The following PHLDB3 variants were observed in gnomAD, a reference collection of about 807,000 sequenced individuals.
The protein encoded by PHLDB3 is pleckstrin homology like domain family B member 3, also known as pleckstrin homology-like domain family B member 3.
Under a neutral mutation model 85.7 loss-of-function variants are expected in PHLDB3, and 86 were observed. The observed-to-expected ratio is 1.00, with a 90% confidence interval of 0.84 to 1.20. The LOEUF (loss-of-function observed/expected upper bound fraction) is 1.20, where lower values mean the gene tolerates loss of function less well. PHLDB3 is among the 50% of genes most tolerant of loss of function. PHLDB3 has a pLI of 0.00. For missense variants in PHLDB3, 995 were observed against 873.0 expected, an observed-to-expected ratio of 1.14 and a Z score of -1.76; for synonymous variants, 376 against 349.8, an observed-to-expected ratio of 1.07 and a Z score of -0.83.
intron 13 of PHLDB3, 94 bp from the exon 14 acceptor site, chr19:43,479,687 G>A (rs1385035357): frequency 2.4e-6 from 2 of 818,936 alleles, no homozygotes; most frequent in Non-Finnish European, 4.0e-6. Context: ...CAGCTTGCAT[G>A]TAAGGCCCGC....
chr19:43,485,220 T>G (rs997826011), intron 13 of PHLDB3, among the ~76,000 whole-genome samples: 4 of 137,558 alleles, frequency 2.9e-5, no homozygotes, highest in African/African-American at 3.1e-5. Flanking sequence ...AGGTTTTTTG[T>G]TTTTTTTTTT....
intron 9 of PHLDB3, among the ~76,000 whole-genome samples, chr19:43,493,311 T>TAAATAAATAAATAAATA (rs1341159257): frequency 6.7e-6 from 1 of 149,032 alleles, no homozygotes; most frequent in East Asian, 2.0e-4. Context: ...AATAAATAAA[T>TAAATAAATAAATAAATA]AAATAAAATA....
At chr19:43,488,372 G>A (rs182769389) in intron 9 of PHLDB3, among the ~76,000 whole-genome samples, 39 of 152,122 alleles carry the variant, frequency 2.6e-4, no homozygotes, top group Admixed American at 1.6e-3. Context: ...TGGAAGGATC[G>A]CTTGAACCCC....
Position 43,499,979 on chromosome 19 carries a change from C to T in PHLDB3, c.534+1755G>A, listed in dbSNP as rs185063201. 9.7e-3 allele frequency among the ~76,000 whole-genome samples: 1,472 copies of T among 152,128 alleles called. 16 individuals carry two copies. The highest frequency in any genetic ancestry group is 0.017 in the Middle Eastern group (5 of 294). The stretch of plus-strand genomic sequence containing the variant: ...TGGCCTCGAACTGCGGTGGCTCATA[C>T]CTGTAATCCCAGCACTTTGGGAGGC... On this transcript the variant is annotated intron_variant, in intron 4 of 15. Transcript: ENST00000292140.
rs764189221 is a variant in PHLDB3, at chr19:43,486,692, C to T, written c.1345G>A (p.Gly449Arg). 5.0e-6 allele frequency: 8 copies of T among 1,613,972 alleles called. No individual in the cohort carries two copies. The highest frequency in any genetic ancestry group is 6.8e-6 in the Non-Finnish European group (8 of 1,179,858). The change falls in exon 12 of 16, where the codon GGG becomes AGG. Residue 449 changes from glycine to arginine, a missense_variant. Physicochemically the swap from Gly to Arg is moderately radical, Grantham distance 125. Coordinates refer to ENST00000292140, the MANE Select transcript of PHLDB3 (RefSeq NM_198850.4). ...LLNCGRGNSCGAIHPDIAHME... is the reference protein window; with the variant it reads ...LLNCGRGNSCRAIHPDIAHME... ...TGGGCAATGTCTGGATGGATGGCCC[C>T]ACAGCTAGGAGGAGGGAACACAGAC...
chr19:43,486,151 G>T, intron 13 of PHLDB3, 115 bp downstream of exon 13: 1 of 1,410,926 alleles, frequency 7.1e-7, no homozygotes, highest in Non-Finnish European at 9.2e-7. Flanking sequence ...GCCAAGCCCA[G>T]GACAATTTTC....
At position 43,501,868 on chromosome 19, in the gene PHLDB3, C is replaced by G; in HGVS notation, c.400G>C (p.Glu134Gln). The change falls in exon 4 of 16, where the codon GAG (glutamate) becomes CAG (glutamine). Residue 134 changes from glutamate (E) to glutamine (Q), a missense_variant. Glu to Gln is a conservative substitution (Grantham distance 29). Coordinates refer to ENST00000292140, the MANE Select transcript of PHLDB3 (RefSeq NM_198850.4). Reference protein sequence around the residue: ...RQRKELRIEMEVEVALLRGEL... With the variant: ...RQRKELRIEMQVEVALLRGEL... ...CCCCGCAGCAAGGCCACCTCCACCT[C>G]CATCTGCGGAGAGAATGCCAGGGCT... 6.3e-7 allele frequency: 1 copy of G among 1,591,584 alleles called. No individual in the cohort carries two copies. Among genetic ancestry groups the G allele is most frequent in the African/African-American group, 1.3e-5 (1 of 74,524 alleles).
In PHLDB3 at chr19:43,501,868, C is replaced by T; in HGVS notation, c.400G>A (p.Glu134Lys). 1.3e-6 allele frequency: 2 copies of T among 1,591,584 alleles called. No homozygotes were observed. Among genetic ancestry groups the T allele is most frequent in the Non-Finnish European group, 1.7e-6 (2 of 1,169,440 alleles). ...CCCCGCAGCAAGGCCACCTCCACCT[C>T]CATCTGCGGAGAGAATGCCAGGGCT... ...RQRKELRIEM[E>K]VEVALLRGEL... Residue 134 changes from glutamate to lysine, a missense_variant, in exon 4 of 16, where the codon GAG becomes AAG. Physicochemically the swap from Glu to Lys is moderately conservative, Grantham distance 56. Transcript: ENST00000292140.
chr19:43,488,238 T>G (rs961922635), intron 9 of PHLDB3, among the ~76,000 whole-genome samples: 2 of 151,974 alleles, frequency 1.3e-5, no homozygotes, highest in Non-Finnish European at 2.9e-5. Context: ...GGCAAATTGC[T>G]TGAGCCCAGG....
chr19:43,486,928 C>T (rs1006870302), intron 10 of PHLDB3, 58 bp from the exon 11 acceptor site: 2 of 1,483,062 alleles, frequency 1.3e-6, no homozygotes, highest in Non-Finnish European at 1.8e-6. Context: ...AGCCTATCCA[C>T]TTCTCCCCTG....
In PHLDB3 at chr19:43,497,282, A is replaced by G. The variant is rs756528049; in HGVS notation, c.664-3T>C. 1 of 1,434,848 alleles carries G rather than the reference A, an allele frequency of 7.0e-7. No homozygotes were observed. Among genetic ancestry groups the G allele is most frequent in the Admixed American group, 2.7e-5 (1 of 36,948 alleles). The allele number at this position is 1,434,848 out of a possible 1,614,324, so 88.9% of individuals were successfully genotyped here. A position where few individuals can be genotyped will look rare whatever the true frequency, so the allele number is the denominator to read the frequency against. ...GCCACATCCAGTTGTTCCCTCATCTATAGGTCGGAACACAAAAAGGGTGGA... is the reference window on the plus strand; with the variant it reads ...GCCACATCCAGTTGTTCCCTCATCTGTAGGTCGGAACACAAAAAGGGTGGA... On this transcript the variant is annotated splice_region_variant and splice_polypyrimidine_tract_variant and intron_variant, in intron 5 of 15. Coordinates refer to ENST00000292140, the MANE Select transcript of PHLDB3 (RefSeq NM_198850.4).
intron 12 of PHLDB3, 52 bp from the exon 13 acceptor site, chr19:43,486,374 A>C: frequency 6.5e-7 from 1 of 1,531,678 alleles, no homozygotes; most frequent in Non-Finnish European, 8.9e-7. Flanking sequence ...ATAAGATGGT[A>C]GGGTGGCTGG....
At position 43,486,743 on chromosome 19, in the gene PHLDB3, C is replaced by T. The variant is rs761208136; in HGVS notation, c.1340+37G>A. 6 of 1,611,568 alleles carry T rather than the reference C, an allele frequency of 3.7e-6. No individual in the cohort carries two copies. In the Admixed American group the frequency reaches 1.0e-4, roughly 27 times the overall value. On this transcript the variant is annotated intron_variant, in intron 11 of 15. Coordinates refer to ENST00000292140, the MANE Select transcript of PHLDB3 (RefSeq NM_198850.4). Reference sequence around the variant, plus strand: ...GGGGTGGGTTACAGTGGCTGGGCCTCTTCTTCCATCTCCCCACCTTCTCTC... The same window carrying T: ...GGGGTGGGTTACAGTGGCTGGGCCTTTTCTTCCATCTCCCCACCTTCTCTC...
intron 13 of PHLDB3, 112 bp downstream of exon 13, chr19:43,486,154 C>A (rs1971149582): frequency 7.1e-7 from 1 of 1,407,064 alleles, no homozygotes; most frequent in Non-Finnish European, 9.2e-7. Context: ...AAGCCCAGGA[C>A]AATTTTCTGT....
At chr19:43,486,432 G>A (rs1161417536) in intron 12 of PHLDB3, 110 bp from the exon 13 acceptor site, 1 of 1,284,052 alleles carries the variant, frequency 7.8e-7, no homozygotes, top group Non-Finnish European at 1.1e-6. Flanking sequence ...CTGGGGGCCT[G>A]GACTCCTGGG....
At position 43,497,828 on chromosome 19, in the gene PHLDB3, G is replaced by A. The variant is rs764481554; in HGVS notation, c.583C>T (p.Gln195Ter). 15 of 1,570,608 alleles carry A rather than the reference G, an allele frequency of 9.6e-6. No homozygotes were observed. In the Admixed American group the frequency reaches 1.3e-4, roughly 14 times the overall value. Residue 195 changes from glutamine to a stop codon, truncating the protein, a stop_gained, in exon 5 of 16, where the codon CAG becomes TAG. Coordinates refer to ENST00000292140, the MANE Select transcript of PHLDB3 (RefSeq NM_198850.4). LOFTEE classifies it high-confidence loss of function. ...QERDRLEGLR[Q>*]RLRKAQGQLD... ...TGTCCCTGGGCCTTGCGGAGTCTCT[G>A]GCGAAGACCCTCTAGGCGATCCCGT...
intron 13 of PHLDB3, among the ~76,000 whole-genome samples, chr19:43,480,972 G>A (rs1033741196): frequency 2.9e-4 from 44 of 152,138 alleles, no homozygotes; most frequent in Non-Finnish European, 5.3e-4. Context: ...GTATGATTCC[G>A]GAGGTCAAAC....
At chr19:43,501,159 G>A (rs901505991) in intron 4 of PHLDB3, among the ~76,000 whole-genome samples, 7 of 149,042 alleles carry the variant, frequency 4.7e-5, no homozygotes, top group African/African-American at 1.7e-4. Context: ...GGTGGGTTTG[G>A]AAGTTTTCTT....
rs200443446 is a variant in PHLDB3, at chr19:43,501,810, C to A, written c.458G>T (p.Arg153Leu). The change falls in exon 4 of 16, where the codon CGG becomes CTG. Residue 153 changes from arginine to leucine, a missense_variant. By Grantham distance (102) the Arg-to-Leu change is moderately radical. Coordinates refer to ENST00000292140, the MANE Select transcript of PHLDB3 (RefSeq NM_198850.4). ...ELAGERVAAR[R>L]EEEQLRELLE... ...CAGCTCCCGCAGCTGCTCCTCCTCCCGGCGAGCGGCCACTCGCTCCCCAGC... is the reference window on the plus strand; with the variant it reads ...CAGCTCCCGCAGCTGCTCCTCCTCCAGGCGAGCGGCCACTCGCTCCCCAGC... The A allele has an allele frequency of 7.1e-5, 112 of 1,587,768 alleles. No individual in the cohort carries two copies. Among genetic ancestry groups the A allele is most frequent in the Non-Finnish European group, 9.4e-5 (110 of 1,168,496 alleles).
Sources: gnomAD v4.1 joint callset for allele counts (sites outside exome capture counted in the v4.1 genomes callset) on GRCh38, gnomAD v4.1.1 for gene constraint, MANE v1.5 for transcripts, NCBI Gene and HGNC (gene_info 2026-07-23, HGNC 2026-07-21) for gene names.